The following TSPAN2 variants were observed in gnomAD, a reference collection of about 807,000 sequenced individuals.
TSPAN2 encodes the protein tetraspanin 2.
In TSPAN2, 24 loss-of-function variants were observed where a neutral mutation model predicts 33.3. The ratio of observed to expected loss-of-function variants is 0.72; its 90% CI spans 0.52 to 1.01. TSPAN2 has a LOEUF of 1.01. Among genes scored for constraint, TSPAN2 ranks in the 50% least tolerant of loss-of-function variants. The pLI, the probability that TSPAN2 is intolerant of heterozygous loss-of-function variation, is 0.00. For missense variants in TSPAN2, 278 were observed against 281.3 expected, an observed-to-expected ratio of 0.99 and a Z score of 0.08; for synonymous variants, 114 against 104.5, an observed-to-expected ratio of 1.09 and a Z score of -0.56.
rs1187498599 is a variant in TSPAN2 at position 115,089,413 on chromosome 1, C to A, written c.20G>T (p.Gly7Val). 4 of 1,587,342 alleles carry A rather than the reference C, an allele frequency of 2.5e-6. No individual in the cohort carries two copies. The highest frequency in any genetic ancestry group is 2.3e-5 in the East Asian group (1 of 42,726). The change falls in exon 1 of 8, where the codon GGC becomes GTC. Residue 7 changes from glycine (G) to valine (V), a missense_variant. Gly to Val is a moderately radical substitution (Grantham distance 109). Transcript: ENST00000369516. ...CAGCAGGTACTTGATGCACCGCAGG[C>A]CCCCGCGGAAGCGCCCCATGCTGCG... MGRFRGGLRCIKYLLLG... is the reference protein window; with the variant it reads MGRFRGVLRCIKYLLLG...
At chr1:115,057,115 G>C (rs997268489) in intron 6 of TSPAN2, among the ~76,000 whole-genome samples, 1 of 152,136 alleles carries the variant, frequency 6.6e-6, no homozygotes, top group African/African-American at 2.4e-5. Flanking sequence ...CTGCCTACTG[G>C]ATATTTCCAT....
intron 1 of TSPAN2, among the ~76,000 whole-genome samples, chr1:115,087,423 G>A (rs1648881274): frequency 6.6e-6 from 1 of 151,640 alleles, no homozygotes; most frequent in Non-Finnish European, 1.5e-5. Context: ...AGACCATCCT[G>A]GCTAACACGG....
chr1:115,067,586 T>C (rs1344806471), intron 2 of TSPAN2, among the ~76,000 whole-genome samples: 1 of 152,088 alleles, frequency 6.6e-6, no homozygotes, highest in Non-Finnish European at 1.5e-5. Flanking sequence ...GAGTCAGAGT[T>C]TTTAACAAGC....
At chr1:115,064,838 G>GGGAGGCTCGTGAGGAGGCA (rs1647881407) in intron 2 of TSPAN2, among the ~76,000 whole-genome samples, 1 of 152,186 alleles carries the variant, frequency 6.6e-6, no homozygotes, top group Admixed American at 6.5e-5. Context: ...ATGTGAAAGA[G>GGGAGGCTCGTGAGGAGGCA]GGAGGCTCGT....
chr1:115,080,726 T>C (rs1237678080), intron 1 of TSPAN2, among the ~76,000 whole-genome samples: 1 of 152,206 alleles, frequency 6.6e-6, no homozygotes, highest in African/African-American at 2.4e-5. Context: ...CTGAACTCAA[T>C]GTCTGCCTTA....
At chr1:115,072,422 A>G (rs1648216707) in intron 2 of TSPAN2, among the ~76,000 whole-genome samples, 1 of 152,106 alleles carries the variant, frequency 6.6e-6, no homozygotes, top group Non-Finnish European at 1.5e-5. Flanking sequence ...ATTTTGAGTT[A>G]TGTTTTTTCC....
chr1:115,063,084 G>A (rs945041074), intron 2 of TSPAN2, among the ~76,000 whole-genome samples: 1 of 152,178 alleles, frequency 6.6e-6, no homozygotes, highest in Non-Finnish European at 1.5e-5. Flanking sequence ...TGAGGGAATG[G>A]ATGTGGTAAT....
chr1:115,066,170 C>A (rs1647943250), intron 2 of TSPAN2, among the ~76,000 whole-genome samples: 1 of 152,202 alleles, frequency 6.6e-6, no homozygotes, highest in African/African-American at 2.4e-5. Context: ...TAGGTTGACT[C>A]CATATGTTGG....
chr1:115,083,835 G>A (rs1648729020), intron 1 of TSPAN2, among the ~76,000 whole-genome samples: 1 of 152,190 alleles, frequency 6.6e-6, no homozygotes, highest in Admixed American at 6.5e-5. Context: ...GAGGGATTGG[G>A]AGAAAGGGGA....
chr1:115,062,055 G>A, intron 3 of TSPAN2, 80 bp downstream of exon 3: 2 of 1,241,092 alleles, frequency 1.6e-6, no homozygotes, highest in South Asian at 1.4e-5. Flanking sequence ...CTGGAGCCAG[G>A]GGCCAGAGGC....
intron 6 of TSPAN2, 145 bp from the exon 7 acceptor site, chr1:115,053,607 A>G (rs1647273132): frequency 2.8e-6 from 2 of 708,902 alleles, no homozygotes; most frequent in African/African-American, 3.6e-5. Context: ...TTCATCTTTG[A>G]TAACATCATC....
chr1:115,075,009 A>C lies in TSPAN2; in HGVS notation c.70-2002T>G, dbSNP rs575875363. On this transcript the variant is annotated intron_variant, in intron 1 of 7. Coordinates refer to ENST00000369516, the MANE Select transcript of TSPAN2 (RefSeq NM_005725.6). ...CAAATACAAAGCAAGACCTATTGAC[A>C]GAGGCATCAGGCCAAAGCCAGCAGC... is the stretch of plus-strand genomic sequence containing the variant. Among the ~76,000 whole-genome samples the C allele has an allele frequency of 2.3e-3, 346 of 151,142 alleles. 1 individual carries two copies. The highest frequency in any genetic ancestry group is 4.1e-3 in the Non-Finnish European group (276 of 68,012).
intron 2 of TSPAN2, among the ~76,000 whole-genome samples, chr1:115,064,536 A>G (rs1435216873): frequency 6.6e-6 from 1 of 152,216 alleles, no homozygotes; most frequent in Non-Finnish European, 1.5e-5. Flanking sequence ...GTGCTTTTGC[A>G]GGTTCTCATA....
At position 115,062,183 on chromosome 1, in the gene TSPAN2, G is replaced by T. The variant is rs41313403; in HGVS notation, c.222C>A (p.Phe74Leu). ...GAGALMMAVG[F>L]FGCCGAMRES... is the part of the protein sequence containing the mutation. ...CCCGCATGGCTCCGCAGCACCCGAA[G>T]AACCCCACGGCCATCATCAGGGCCC... Residue 74 changes from phenylalanine to leucine, a missense_variant, in exon 3 of 8, where the codon TTC becomes TTA. Transcript: ENST00000369516. The T allele has an allele frequency of 2.3e-4, 375 of 1,601,328 alleles. No homozygotes were observed. Among genetic ancestry groups the T allele is most frequent in the Non-Finnish European group, 3.1e-4 (367 of 1,174,002 alleles).
Position 115,058,876 on chromosome 1 carries a change from TA to T in TSPAN2, c.444+6del, listed in dbSNP as rs1329363274. On this transcript the variant is annotated splice_donor_region_variant and intron_variant, in intron 5 of 7. Transcript: ENST00000369516. ...TGTGATTTTAAGGAAGAAGTGAAGT[TA>T]CTCACTGTTGAGTGGAAGGTGATGA... 6.3e-7 allele frequency: 1 copy of T among 1,597,214 alleles called. No individual in the cohort carries two copies. The highest frequency in any genetic ancestry group is 1.1e-5 in the South Asian group (1 of 90,724).
intron 7 of TSPAN2, among the ~76,000 whole-genome samples, chr1:115,051,417 A>G (rs116043127): frequency 7.2e-5 from 11 of 152,354 alleles, no homozygotes; most frequent in Admixed American, 7.2e-4. Flanking sequence ...AAGGGTTTAT[A>G]CTATGGTATT....
rs193139797 is a variant in TSPAN2, at chr1:115,062,655, A to T, written c.173-423T>A. 2.0e-4 allele frequency among the ~76,000 whole-genome samples: 31 copies of T among 152,368 alleles called. 1 individual carries two copies. The East Asian group carries it at 4.8e-3, about 24-fold the overall frequency. ...TTGTATTTCCTTCTCTGATCCTGAG[A>T]TAAGTTAGAATACAATATGGGACTT... On this transcript the variant is annotated intron_variant, in intron 2 of 7. Coordinates refer to ENST00000369516, the MANE Select transcript of TSPAN2 (RefSeq NM_005725.6).
intron 1 of TSPAN2, among the ~76,000 whole-genome samples, chr1:115,076,010 T>C (rs567667599): frequency 2.2e-4 from 32 of 146,830 alleles, no homozygotes; most frequent in Non-Finnish European, 4.4e-4. Context: ...TGGTTCATAG[T>C]CTAATGTGGT....
intron 1 of TSPAN2, among the ~76,000 whole-genome samples, chr1:115,076,911 T>G (rs1023500670): frequency 6.6e-6 from 1 of 151,392 alleles, no homozygotes; most frequent in African/African-American, 2.4e-5. Flanking sequence ...AGCACCATTT[T>G]TTGAGTCCTC....
Sources: allele counts gnomAD v4.1 joint callset (sites outside exome capture counted in the v4.1 genomes callset), GRCh38; gene constraint gnomAD v4.1.1; transcripts MANE v1.5; gene names NCBI Gene and HGNC (gene_info 2026-07-23, HGNC 2026-07-21).